C12orf42: variants seen among roughly 807,000 people sequenced by gnomAD.
The protein encoded by C12orf42 is chromosome 12 open reading frame 42.
C12orf42 carries 25 observed loss-of-function variants against 21.6 expected under a neutral mutation model. The ratio of observed to expected loss-of-function variants is 1.16; its 90% CI spans 0.84 to 1.62. The LOEUF (loss-of-function observed/expected upper bound fraction) is 1.62. Among genes scored for constraint, C12orf42 ranks in the 40% most tolerant of loss-of-function variants. C12orf42 has a pLI of 0.00. For synonymous variants in C12orf42, 174 were observed against 175.0 expected (o/e 0.99, Z 0.05); for missense variants, 483 against 459.3 (o/e 1.05, Z -0.47).
chr12:103,306,180 A>T lies in C12orf42; in HGVS notation c.425T>A (p.Leu142Ter), dbSNP rs1312134261. The T allele has an allele frequency of 6.8e-6, 11 of 1,613,810 alleles. No individual in the cohort carries two copies. The Admixed American group carries it at 1.8e-4, about 27-fold the overall frequency. ...APSSETDEAP[L>*]IFTARGETEE... Reference sequence around the variant, plus strand: ...AGTTTCTCCTCTGGCAGTAAAAATCAATGGGGCCTCATCAGTTTCACTGGA... The same window carrying T: ...AGTTTCTCCTCTGGCAGTAAAAATCTATGGGGCCTCATCAGTTTCACTGGA... The change falls in exon 5 of 6, where the codon TTG becomes TAG. Residue 142 changes from leucine to a stop codon, truncating the protein, a stop_gained. Coordinates refer to ENST00000548883, the MANE Select transcript of C12orf42 (RefSeq NM_198521.5). LOFTEE classifies it high-confidence loss of function.
At chr12:103,260,015 C>G (rs1317262139) in intron 10 of C12orf42, among the ~76,000 whole-genome samples, 1 of 152,208 alleles carries the variant, frequency 6.6e-6, no homozygotes, top group East Asian at 1.9e-4. Context: ...CTCTTAAAAG[C>G]TACTCCACAA....
At chr12:103,525,371 T>C in the C12orf42 span, among the ~76,000 whole-genome samples, 9,600 of 143,334 alleles carry the variant, frequency 0.067, 1,001 homozygotes, top group African/African-American at 0.23. Context: ...GACAAATGCA[T>C]TGTGACACCA....
intron 4 of C12orf42, among the ~76,000 whole-genome samples, chr12:103,294,519 GAAGA>G (rs1194410956): frequency 2.8e-4 from 38 of 137,360 alleles, no homozygotes; most frequent in African/African-American, 8.4e-4. Flanking sequence ...AAGAAAGGAA[GAAGA>G]AAGAAAGAAG....
At chr12:103,281,689 T>G (rs1288570219) in intron 4 of C12orf42, among the ~76,000 whole-genome samples, 2 of 152,028 alleles carry the variant, frequency 1.3e-5, no homozygotes, top group African/African-American at 4.8e-5. Context: ...AGGGTCTCAC[T>G]CTGTAGCCCA....
chr12:103,187,588 A>G, the C12orf42 span, among the ~76,000 whole-genome samples: 2 of 152,210 alleles, frequency 1.3e-5, no homozygotes, highest in Admixed American at 1.3e-4. Context: ...GTCTTTTCAT[A>G]TCAATGAGAA....
intron 2 of C12orf42, among the ~76,000 whole-genome samples, chr12:103,415,232 CTAAA>C (rs1217414463): frequency 2.0e-5 from 3 of 152,020 alleles, no homozygotes; most frequent in African/African-American, 7.2e-5. Flanking sequence ...CTTGAATATC[CTAAA>C]TATATACACA....
chr12:103,475,441 T>G (rs1953975543), intron 2 of C12orf42, among the ~76,000 whole-genome samples: 1 of 152,236 alleles, frequency 6.6e-6, no homozygotes, highest in African/African-American at 2.4e-5. Context: ...AATCTGATTG[T>G]TAGAAAATGT....
intron 2 of C12orf42, among the ~76,000 whole-genome samples, chr12:103,423,703 C>T (rs917460721): frequency 6.6e-6 from 1 of 152,100 alleles, no homozygotes; most frequent in Non-Finnish European, 1.5e-5. Flanking sequence ...TGAGGAATGA[C>T]GACAGACTTG....
intron 3 of C12orf42, among the ~76,000 whole-genome samples, chr12:103,379,779 G>A (rs2046008936): frequency 6.6e-6 from 1 of 152,104 alleles, no homozygotes; most frequent in South Asian, 2.1e-4. Context: ...ATAAAGTTAA[G>A]CCCTTCAAAC....
At chr12:103,497,501 C>CTTT (rs1955593335), upstream of C12orf42, among the ~76,000 whole-genome samples, 1 of 152,172 alleles carries the variant, frequency 6.6e-6, no homozygotes, top group African/African-American at 2.4e-5. Context: ...TATGGATACC[C>CTTT]AGTGCTCTCT....
chr12:103,384,483 T>C (rs2046442354), intron 3 of C12orf42, among the ~76,000 whole-genome samples: 1 of 152,226 alleles, frequency 6.6e-6, no homozygotes, highest in South Asian at 2.1e-4. Flanking sequence ...CTTATCTTCG[T>C]CTAGGGTGAA....
intron 2 of C12orf42, among the ~76,000 whole-genome samples, chr12:103,434,758 G>A (rs1371287810): frequency 2.6e-5 from 4 of 152,164 alleles, no homozygotes; most frequent in South Asian, 2.1e-4. Flanking sequence ...CTACGCCCAC[G>A]GACTCTTGCT....
At chr12:103,184,864 G>A in the C12orf42 span, among the ~76,000 whole-genome samples, 1 of 152,026 alleles carries the variant, frequency 6.6e-6, no homozygotes, top group Non-Finnish European at 1.5e-5. Context: ...TCTTTGTAAG[G>A]AGAGATGATT....
At chr12:103,493,081 C>T (rs1332824405) in intron 1 of C12orf42, among the ~76,000 whole-genome samples, 1 of 152,212 alleles carries the variant, frequency 6.6e-6, no homozygotes, top group Admixed American at 6.5e-5. Flanking sequence ...TTCCTAACCA[C>T]TTGTTGCACT....
chr12:103,427,352 C>T (rs1002241433), intron 2 of C12orf42, among the ~76,000 whole-genome samples: 1 of 145,030 alleles, frequency 6.9e-6, no homozygotes, highest in Non-Finnish European at 1.5e-5. Flanking sequence ...GACATTAAGC[C>T]AAAAAAGATT....
At chr12:103,295,932 T>C (rs2037243425) in intron 4 of C12orf42, among the ~76,000 whole-genome samples, 1 of 151,988 alleles carries the variant, frequency 6.6e-6, no homozygotes, top group African/African-American at 2.4e-5. Context: ...GTTACATATG[T>C]ATACATGTGC....
At chr12:103,091,693 A>G in the C12orf42 span, among the ~76,000 whole-genome samples, 1 of 152,212 alleles carries the variant, frequency 6.6e-6, no homozygotes, top group Non-Finnish European at 1.5e-5. Flanking sequence ...CCTAGTTTAG[A>G]GATCTGTTGT....
chr12:103,109,249 G>A, the C12orf42 span, among the ~76,000 whole-genome samples: 1 of 152,122 alleles, frequency 6.6e-6, no homozygotes, highest in African/African-American at 2.4e-5. Context: ...TAGACAAACA[G>A]ACCAATGAAA....
chr12:103,437,959 A>G (rs1013980090), intron 2 of C12orf42, among the ~76,000 whole-genome samples: 7 of 146,350 alleles, frequency 4.8e-5, no homozygotes, highest in Non-Finnish European at 7.4e-5. Context: ...ACAAAAAAAG[A>G]GAATTTTAGA....
Sources: gnomAD v4.1 joint callset for allele counts (sites outside exome capture counted in the v4.1 genomes callset) on GRCh38, gnomAD v4.1.1 for gene constraint, MANE v1.5 for transcripts, NCBI Gene and HGNC (gene_info 2026-07-23, HGNC 2026-07-21) for gene names.